MYO3B: variants seen among roughly 807,000 people sequenced by gnomAD.
The protein encoded by MYO3B is myosin IIIB.
MYO3B carries 156 observed loss-of-function variants against 174.6 expected under a neutral mutation model. The observed-to-expected ratio is 0.89, with a 90% CI of 0.78 to 1.02. MYO3B has a LOEUF of 1.02. MYO3B is among the 50% of genes least tolerant of loss of function. MYO3B has a pLI of 0.00. For missense variants in MYO3B, 1,632 were observed against 1,639.4 expected (o/e 1.00, Z 0.08); for synonymous variants, 563 against 569.1 (o/e 0.99, Z 0.15).
chr2:170,364,333 G>A (rs2094183003), intron 8 of MYO3B, among the ~76,000 whole-genome samples: 1 of 152,122 alleles, frequency 6.6e-6, no homozygotes. Flanking sequence ...AGGCTTGTGT[G>A]CATTACAAAA....
At chr2:170,441,919 A>G (rs975340378) in intron 22 of MYO3B, among the ~76,000 whole-genome samples, 1 of 152,108 alleles carries the variant, frequency 6.6e-6, no homozygotes, top group Admixed American at 6.5e-5. Context: ...CCAACCTCTT[A>G]TCTCATCCTG....
chr2:170,205,649 CA>C (rs1225891416), intron 3 of MYO3B, among the ~76,000 whole-genome samples: 1 of 152,108 alleles, frequency 6.6e-6, no homozygotes, highest in Admixed American at 6.5e-5. Flanking sequence ...ATTTCTATCT[CA>C]AAAAAAGTCT....
At chr2:170,219,371 C>T (rs892631304) in intron 6 of MYO3B, among the ~76,000 whole-genome samples, 33 of 152,086 alleles carry the variant, frequency 2.2e-4, no homozygotes, top group African/African-American at 5.8e-4. Context: ...GGGTCAGGAG[C>T]GGTGGCTCAT....
chr2:170,204,795 G>T (rs1337386406), intron 3 of MYO3B, among the ~76,000 whole-genome samples: 3 of 152,182 alleles, frequency 2.0e-5, no homozygotes, highest in Non-Finnish European at 2.9e-5. Context: ...CAGGGCTGGG[G>T]TGGGAGGCTT....
At chr2:170,585,978 T>A (rs1575204226) in intron 32 of MYO3B, among the ~76,000 whole-genome samples, 1 of 151,834 alleles carries the variant, frequency 6.6e-6, no homozygotes, top group African/African-American at 2.4e-5. Context: ...CAGGGGGAGG[T>A]TGCATTCCAG....
chr2:170,492,693 C>T (rs1193784419), intron 25 of MYO3B, among the ~76,000 whole-genome samples: 1 of 152,214 alleles, frequency 6.6e-6, no homozygotes, highest in Non-Finnish European at 1.5e-5. Context: ...CCCTCAGTCT[C>T]TCCTACCTGT....
chr2:170,478,572 T>TG (rs1467546778), intron 25 of MYO3B, among the ~76,000 whole-genome samples: 4 of 55,230 alleles, frequency 7.2e-5, no homozygotes, highest in Non-Finnish European at 1.1e-4. Flanking sequence ...GGTTTTTTTG[T>TG]GTTTTTTTTT....
intron 32 of MYO3B, among the ~76,000 whole-genome samples, chr2:170,565,683 T>C (rs1692025752): frequency 1.3e-5 from 2 of 152,188 alleles, no homozygotes; most frequent in African/African-American, 4.8e-5. Context: ...TCTGTTTGTC[T>C]TTTTTTATAT....
At chr2:170,546,375 C>T (rs1209224583) in intron 32 of MYO3B, among the ~76,000 whole-genome samples, 1 of 152,134 alleles carries the variant, frequency 6.6e-6, no homozygotes, top group East Asian at 1.9e-4. Flanking sequence ...ATAATGGAAG[C>T]AAGAATGAAA....
At chr2:170,375,721 G>GCA (rs60928016) in intron 9 of MYO3B, among the ~76,000 whole-genome samples, 25,786 of 148,020 alleles carry the variant, frequency 0.17, 2,298 homozygotes, top group Middle Eastern at 0.3. Flanking sequence ...GTGCATGCAT[G>GCA]CACACACACA....
chr2:170,290,936 T>A (rs1354692865), intron 7 of MYO3B, among the ~76,000 whole-genome samples: 1 of 151,324 alleles, frequency 6.6e-6, no homozygotes, highest in African/African-American at 2.4e-5. Flanking sequence ...TTATTTTGGA[T>A]CACAAATAAA....
At chr2:170,638,349 A>G (rs1159340141) in intron 32 of MYO3B, among the ~76,000 whole-genome samples, 1 of 152,212 alleles carries the variant, frequency 6.6e-6, no homozygotes, top group African/African-American at 2.4e-5. Flanking sequence ...TGACCCAGAA[A>G]GTGGTTCAGG....
At chr2:170,224,222 C>G (rs1217436595) in intron 6 of MYO3B, among the ~76,000 whole-genome samples, 1 of 152,180 alleles carries the variant, frequency 6.6e-6, no homozygotes, top group Non-Finnish European at 1.5e-5. Flanking sequence ...CACAACAGCT[C>G]TCAATAGTGG....
intron 22 of MYO3B, among the ~76,000 whole-genome samples, chr2:170,434,614 G>C (rs2094737406): frequency 6.6e-6 from 1 of 152,218 alleles, no homozygotes; most frequent in Non-Finnish European, 1.5e-5. Context: ...ATTGGAATGA[G>C]TTAGGGTGGA....
chr2:170,205,310 T>G (rs1375040896), intron 3 of MYO3B, among the ~76,000 whole-genome samples: 4 of 152,154 alleles, frequency 2.6e-5, no homozygotes, highest in African/African-American at 9.7e-5. Flanking sequence ...ATGGCCACAC[T>G]TAAAGTAGGG....
intron 21 of MYO3B, 45 bp from the exon 22 acceptor site, chr2:170,407,670 G>A (rs758935694): frequency 6.0e-5 from 97 of 1,609,664 alleles, no homozygotes; most frequent in Admixed American, 1.0e-4. Flanking sequence ...CACCAATGAC[G>A]GACAGTTGAC....
intron 29 of MYO3B, among the ~76,000 whole-genome samples, chr2:170,517,812 C>T (rs1688413793): frequency 6.6e-6 from 1 of 151,430 alleles, no homozygotes; most frequent in African/African-American, 2.4e-5. Context: ...TTTAGAATCT[C>T]CAAGAGGGGG....
chr2:170,561,825 G>A (rs1413752311), intron 32 of MYO3B, among the ~76,000 whole-genome samples: 8 of 152,092 alleles, frequency 5.3e-5, no homozygotes, highest in Admixed American at 4.6e-4. Context: ...TATGATTAAA[G>A]TCTTTGGGCT....
intron 22 of MYO3B, among the ~76,000 whole-genome samples, chr2:170,443,307 C>T (rs1256957236): frequency 1.3e-5 from 2 of 152,166 alleles, no homozygotes; most frequent in African/African-American, 2.4e-5. Context: ...TGAGAAGTGT[C>T]TGTTCATATC....
Sources: gnomAD v4.1 joint callset for allele counts (sites outside exome capture counted in the v4.1 genomes callset) on GRCh38, gnomAD v4.1.1 for gene constraint, MANE v1.5 for transcripts, NCBI Gene and HGNC (gene_info 2026-07-23, HGNC 2026-07-21) for gene names.